CTNNB1: variants seen among roughly 807,000 people sequenced by gnomAD.
The protein encoded by CTNNB1 is catenin beta 1.
In CTNNB1, 6 loss-of-function variants were observed where a neutral mutation model predicts 82.5. That is an observed-to-expected ratio of 0.07 (90% CI 0.04 to 0.14). The LOEUF is 0.14. CTNNB1 is among the 10% of genes least tolerant of loss of function. The pLI, the probability that CTNNB1 is intolerant of heterozygous loss-of-function variation, is 1.00. For synonymous variants in CTNNB1, 312 were observed against 329.7 expected (o/e 0.95, Z 0.58); for missense variants, 529 against 980.4 (o/e 0.54, Z 6.15).
Position 41,225,174 on chromosome 3 carries a change from T to C in CTNNB1, c.462T>C (p.Pro154=), listed in dbSNP as rs774085540. 5 of 1,613,966 alleles carry C rather than the reference T, an allele frequency of 3.1e-6. No homozygotes were observed. Among genetic ancestry groups the C allele is most frequent in the Non-Finnish European group, 4.2e-6 (5 of 1,179,994 alleles). ...DDAELATRAI[P]ELTKLLNDED... ...CAGAACTTGCCACACGTGCAATCCC[T>C]GAACTGACAAAACTGCTAAATGACG... The change falls in exon 4 of 15, where the codon CCT becomes CCC. Residue 154 remains proline, a synonymous_variant. Coordinates refer to ENST00000349496, the MANE Select transcript of CTNNB1 (RefSeq NM_001904.4). This position sits in a 1 kb window ranked among gnomAD's most constrained non-coding sequence, Gnocchi z 5.3.
chr3:41,225,608 G>C lies in CTNNB1; in HGVS notation c.734+36G>C, dbSNP rs1181964281. The C allele has an allele frequency of 1.9e-6, 3 of 1,613,792 alleles. No individual in the cohort carries two copies. Among genetic ancestry groups the C allele is most frequent in the East Asian group, 4.5e-5 (2 of 44,886 alleles). On this transcript the variant is annotated intron_variant, in intron 5 of 14. Coordinates refer to ENST00000349496, the MANE Select transcript of CTNNB1 (RefSeq NM_001904.4). This position sits in a 1 kb window ranked among gnomAD's most constrained non-coding sequence, Gnocchi z 5.3. ...ATGTCAGAATGCTTGAAGCTAAAAAGTAGAAGAGTATACTCACAATATTTC... is the reference window on the plus strand; with the variant it reads ...ATGTCAGAATGCTTGAAGCTAAAAACTAGAAGAGTATACTCACAATATTTC...
chr3:41,201,487 T>G (rs925585532), intron 1 of CTNNB1, among the ~76,000 whole-genome samples: 2 of 152,132 alleles, frequency 1.3e-5, no homozygotes, highest in African/African-American at 4.8e-5. Context: ...GCCCTGAGAT[T>G]ATTGCAACAG....
At chr3:41,237,205 CACAG>C (rs2078456065) in intron 13 of CTNNB1, 1 of 175,660 alleles carries the variant, frequency 5.7e-6, no homozygotes, top group Admixed American at 5.5e-5. Context: ...ATTGATGGTA[CACAG>C]ACATACAGTG....
At chr3:41,228,287 A>G (rs1315936583) in intron 7 of CTNNB1, among the ~76,000 whole-genome samples, 1 of 152,166 alleles carries the variant, frequency 6.6e-6, no homozygotes, top group Non-Finnish European at 1.5e-5. Flanking sequence ...TTTTTGAGAA[A>G]TCACCAAATT....
chr3:41,234,344 T>A, intron 10 of CTNNB1, 47 bp downstream of exon 10: 1 of 1,599,722 alleles, frequency 6.3e-7, no homozygotes, highest in South Asian at 1.1e-5. Context: ...AAGGAATGCA[T>A]AAATCCAAAG....
intron 13 of CTNNB1, chr3:41,237,560 CCCTTCCACAAACCTGTTTTCACTGT>C (rs1422700820): frequency 6.3e-6 from 1 of 157,732 alleles, no homozygotes. Flanking sequence ...TCCACCTACC[CCCTTCCACAAACCTGTTTTCACTGT>C]CTTCTCTGTC....
chr3:41,202,943 G>T (rs1467554956), intron 1 of CTNNB1, among the ~76,000 whole-genome samples: 1 of 151,848 alleles, frequency 6.6e-6, no homozygotes, highest in Non-Finnish European at 1.5e-5. Context: ...TGTCCTTGAA[G>T]TATGCATATA....
chr3:41,210,228 C>A (rs1308433644), intron 1 of CTNNB1, among the ~76,000 whole-genome samples: 1 of 151,928 alleles, frequency 6.6e-6, no homozygotes, highest in Non-Finnish European at 1.5e-5. Context: ...CTGAGGCAGG[C>A]GGATCACGAG....
At chr3:41,222,938 GA>G (rs1484549287) in intron 1 of CTNNB1, among the ~76,000 whole-genome samples, 4 of 152,132 alleles carry the variant, frequency 2.6e-5, no homozygotes, top group African/African-American at 9.7e-5. Flanking sequence ...ACAGTCAAAA[GA>G]TAGAAACTAA....
intron 1 of CTNNB1, among the ~76,000 whole-genome samples, chr3:41,218,020 G>A (rs4973927): frequency 0.4 from 60,800 of 151,842 alleles, 12,516 homozygotes; most frequent in Non-Finnish European, 0.45. Flanking sequence ...TTTCAATTTC[G>A]ACTCATGCTT....
intron 6 of CTNNB1, 107 bp from the exon 7 acceptor site, chr3:41,227,101 A>C: frequency 1.0e-6 from 1 of 994,120 alleles, no homozygotes; most frequent in South Asian, 1.3e-5. Context: ...GTCCAATGGC[A>C]AGCTGGCTGA....
intron 1 of CTNNB1, chr3:41,211,053 A>G (rs1035158143): frequency 6.6e-6 from 3 of 456,464 alleles, no homozygotes; most frequent in Admixed American, 4.7e-5. Context: ...TTGGCCTCAC[A>G]AAGTGCGAGG....
chr3:41,233,151 G>C, intron 7 of CTNNB1, 190 bp from the exon 8 acceptor site: 1 of 643,060 alleles, frequency 1.6e-6, no homozygotes, highest in South Asian at 1.9e-5. Flanking sequence ...TTTGTCACTA[G>C]TGAGGTGAAC....
Position 41,235,859 on chromosome 3 carries a change from A to G in CTNNB1, c.1803+16A>G, listed in dbSNP as rs2078423304. 2.5e-6 allele frequency: 4 copies of G among 1,613,892 alleles called. No individual in the cohort carries two copies. The highest frequency in any genetic ancestry group is 1.3e-5 in the African/African-American group (1 of 74,904). On this transcript the variant is annotated intron_variant, in intron 11 of 14. Coordinates refer to ENST00000349496, the MANE Select transcript of CTNNB1 (RefSeq NM_001904.4). Reference sequence around the variant, plus strand: ...GTTTGTGCAGGTATGTTTTAAGTGAAGTGTTCTAGGTTTTATGTCCATAAA... The same window carrying G: ...GTTTGTGCAGGTATGTTTTAAGTGAGGTGTTCTAGGTTTTATGTCCATAAA...
intron 1 of CTNNB1, among the ~76,000 whole-genome samples, chr3:41,206,965 C>G (rs1296525344): frequency 6.6e-6 from 1 of 152,176 alleles, no homozygotes; most frequent in Non-Finnish European, 1.5e-5. Flanking sequence ...ACATACCGCT[C>G]TTTAAATAGA....
At chr3:41,214,775 T>C (rs541409784) in intron 1 of CTNNB1, among the ~76,000 whole-genome samples, 241 of 151,368 alleles carry the variant, frequency 1.6e-3, no homozygotes, top group African/African-American at 5.7e-3. Flanking sequence ...TCGTTTTGGA[T>C]AGCTAAAAAA....
At chr3:41,210,980 A>C (rs893682017) in intron 1 of CTNNB1, 8 of 454,880 alleles carry the variant, frequency 1.8e-5, no homozygotes, top group Non-Finnish European at 3.1e-5. Context: ...TTTTGTAGAG[A>C]CAGGGTCTCA....
intron 1 of CTNNB1, among the ~76,000 whole-genome samples, chr3:41,207,147 GT>G (rs2077667796): frequency 6.6e-6 from 1 of 152,000 alleles, no homozygotes; most frequent in South Asian, 2.1e-4. Context: ...TCAGCATTCT[GT>G]TCCCCATAGA....
chr3:41,222,467 G>T (rs1414559254), intron 1 of CTNNB1: 3 of 152,128 alleles, frequency 2.0e-5, no homozygotes, highest in Non-Finnish European at 2.9e-5. Flanking sequence ...AGAGCAAGAT[G>T]AATTTTTATT....
Sources: allele counts gnomAD v4.1 joint callset (sites outside exome capture counted in the v4.1 genomes callset), GRCh38; gene constraint gnomAD v4.1.1; non-coding constraint Gnocchi (gnomAD v3.1); transcripts MANE v1.5; gene names NCBI Gene and HGNC (gene_info 2026-07-23, HGNC 2026-07-21).